HDAC2: variants seen among roughly 807,000 people sequenced by gnomAD.
HDAC2 encodes the protein YY1-associated factor 1.
Under a neutral mutation model 68.5 loss-of-function variants are expected in HDAC2, and 5 were observed. The observed-to-expected ratio is 0.07, with a 90% CI of 0.04 to 0.15. The LOEUF is 0.15. HDAC2 is among the 10% of genes least tolerant of loss of function. The pLI, the probability that HDAC2 is intolerant of heterozygous loss-of-function variation, is 1.00. For missense variants in HDAC2, 291 were observed against 600.8 expected (o/e 0.48, Z 5.39); for synonymous variants, 182 against 191.3 (o/e 0.95, Z 0.40).
intron 2 of HDAC2, 37 bp from the exon 3 acceptor site, chr6:113,958,803 C>A: frequency 8.6e-7 from 1 of 1,168,620 alleles, no homozygotes; most frequent in Non-Finnish European, 1.3e-6. Context: ...TGTGGAATTA[C>A]AACCGGTTAT....
intron 1 of HDAC2, chr6:113,970,169 G>C (rs532472610): frequency 6.6e-6 from 1 of 152,458 alleles, no homozygotes; most frequent in African/African-American, 2.4e-5. Flanking sequence ...ACAAAGGAGA[G>C]GGTTGGAGCC....
At position 113,940,942 on chromosome 6, in the gene HDAC2, A is replaced by T; in HGVS notation, c.*116T>A. The T allele has an allele frequency of 2.9e-6, 2 of 691,378 alleles. No homozygotes were observed. Among genetic ancestry groups the T allele is most frequent in the Non-Finnish European group, 4.7e-6 (2 of 429,538 alleles). 42.8% of individuals were successfully genotyped at this position (691,378 alleles called of 1,614,324 possible). On this transcript the variant is annotated 3_prime_UTR_variant, in exon 14 of 14. Transcript: ENST00000519065. ...AAAAACGAAAAAGCCATTTGAAAAT[A>T]AATACAGTCCATGCCAAAGTAGTAT...
chr6:113,954,510 C>CA (rs1190725523), intron 5 of HDAC2, among the ~76,000 whole-genome samples: 6 of 152,014 alleles, frequency 3.9e-5, no homozygotes, highest in Non-Finnish European at 8.8e-5. Flanking sequence ...TTACACCACC[C>CA]AAAAAAATGT....
intron 6 of HDAC2, among the ~76,000 whole-genome samples, chr6:113,951,537 G>A (rs34789089): frequency 0.22 from 33,122 of 148,482 alleles, 3,890 homozygotes; most frequent in Middle Eastern, 0.3. Context: ...GAGCGATCTC[G>A]GCTCACAGCA....
At chr6:113,949,747 G>C (rs758085454) in intron 6 of HDAC2, among the ~76,000 whole-genome samples, 1 of 151,778 alleles carries the variant, frequency 6.6e-6, no homozygotes, top group African/African-American at 2.4e-5. Context: ...ACACTTTCTC[G>C]AAGATTTAAC....
chr6:113,938,807 CTAAG>C lies in HDAC2; in HGVS notation c.*2247_*2250del, dbSNP rs545213994. The C allele has an allele frequency of 4.9e-4, 74 of 152,262 alleles. No homozygotes were observed. Among genetic ancestry groups the C allele is most frequent in the African/African-American group, 1.7e-3 (71 of 41,544 alleles). The allele number at this position is 152,262 out of a possible 1,614,324, so 9.4% of individuals were successfully genotyped here. ...TTTGTTCTTCCAACAGACTTGGTCA[CTAAG>C]TGTTACTGATTTCTGTTTATTAATG... is the stretch of plus-strand genomic sequence containing the variant. On this transcript the variant is annotated 3_prime_UTR_variant, in exon 14 of 14. Transcript: ENST00000519065.
Position 113,934,726 on chromosome 6 carries a change from T to C in HDAC2, c.*6332A>G, listed in dbSNP as rs974676812. 12 of 152,188 alleles carry C rather than the reference T, an allele frequency of 7.9e-5. No homozygotes were observed. The highest frequency in any genetic ancestry group is 1.2e-4 in the African/African-American group (5 of 41,438). 9.4% of individuals were successfully genotyped at this position (152,188 alleles called of 1,614,324 possible). A position where few individuals can be genotyped will look rare whatever the true frequency, so the allele number is the denominator to read the frequency against. On this transcript the variant is annotated 3_prime_UTR_variant, in exon 14 of 14. Coordinates refer to ENST00000519065, the MANE Select transcript of HDAC2 (RefSeq NM_001527.4). The stretch of plus-strand genomic sequence containing the variant: ...CCATTTACTTTAAGACATATAAATT[T>C]GGATTTCAAACAAAACAGCTTACAA...
At chr6:113,966,423 G>A (rs907252304) in intron 1 of HDAC2, among the ~76,000 whole-genome samples, 1 of 151,900 alleles carries the variant, frequency 6.6e-6, no homozygotes, top group African/African-American at 2.4e-5. Flanking sequence ...GTGGTGGCAC[G>A]TGCCTGTAAT....
rs1367054462 is a variant in HDAC2 at position 113,941,752 on chromosome 6, T to C, written c.1392A>G (p.Glu464=). 3.5e-6 allele frequency: 5 copies of C among 1,416,410 alleles called. No homozygotes were observed. Among genetic ancestry groups the C allele is most frequent in the Non-Finnish European group, 4.8e-6 (5 of 1,032,592 alleles). 87.7% of individuals were successfully genotyped at this position (1,416,410 alleles called of 1,614,324 possible). The change falls in exon 13 of 14, where the codon GAA becomes GAG. Residue 464 remains glutamate (E), a synonymous_variant. Transcript: ENST00000519065. ...CACCACTGTTGTCCTTGGATTTATC[T>C]TCTTCCTTAACGTCTAAAAATAAAG... ...TEDKKTDVKE[E]DKSKDNSGEK... is the part of the protein sequence containing the mutation.
intron 9 of HDAC2, among the ~76,000 whole-genome samples, chr6:113,945,759 G>A (rs974862820): frequency 2.0e-5 from 3 of 152,016 alleles, no homozygotes; most frequent in Non-Finnish European, 4.4e-5. Context: ...AATATTCAAC[G>A]TTTTATTTTT....
At chr6:113,944,480 T>A in intron 10 of HDAC2, 70 bp from the exon 11 acceptor site, 4 of 1,366,218 alleles carry the variant, frequency 2.9e-6, no homozygotes, top group African/African-American at 1.4e-5. Context: ...CAAGAGAAAA[T>A]ATTTAGCAAA....
At chr6:113,965,031 T>C (rs1357643698) in intron 1 of HDAC2, among the ~76,000 whole-genome samples, 1 of 152,258 alleles carries the variant, frequency 6.6e-6, no homozygotes, top group Non-Finnish European at 1.5e-5. Context: ...ATGTGTTCAA[T>C]TCTTGCTTCC....
intron 5 of HDAC2, among the ~76,000 whole-genome samples, chr6:113,955,392 T>G (rs1776529069): frequency 6.6e-6 from 1 of 152,010 alleles, no homozygotes; most frequent in Admixed American, 6.5e-5. Flanking sequence ...TTTTCTATTT[T>G]TAGTAGGATG....
At chr6:113,953,486 T>A in intron 5 of HDAC2, 68 bp from the exon 6 acceptor site, 1 of 876,278 alleles carries the variant, frequency 1.1e-6, no homozygotes, top group South Asian at 1.8e-5. Flanking sequence ...GCACCACAAA[T>A]TCAGGAAACC....
At position 113,939,775 on chromosome 6, in the gene HDAC2, A is replaced by T. The variant is rs767287056; in HGVS notation, c.*1283T>A. 3 of 152,234 alleles carry T rather than the reference A, an allele frequency of 2.0e-5. No individual in the cohort carries two copies. Among genetic ancestry groups the T allele is most frequent in the African/African-American group, 4.8e-5 (2 of 41,456 alleles). 9.4% of individuals were successfully genotyped at this position (152,234 alleles called of 1,614,324 possible). A position where few individuals can be genotyped will look rare whatever the true frequency, so the allele number is the denominator to read the frequency against. On this transcript the variant is annotated 3_prime_UTR_variant, in exon 14 of 14. Transcript: ENST00000519065. Reference sequence around the variant, plus strand: ...AAAAAAACACCGAAGCAAATATAGCAAAAGTAAAATATTTGTTAAGTCGGG... The same window carrying T: ...AAAAAAACACCGAAGCAAATATAGCTAAAGTAAAATATTTGTTAAGTCGGG...
Position 113,936,123 on chromosome 6 carries a change from T to C in HDAC2, c.*4935A>G, listed in dbSNP as rs1775992374. ...TAAAACTTAGAAATTAGTGTTATAA[T>C]TCTTATAGGAAAACCTAAATCAGTA... On this transcript the variant is annotated 3_prime_UTR_variant, in exon 14 of 14. Coordinates refer to ENST00000519065, the MANE Select transcript of HDAC2 (RefSeq NM_001527.4). 6.6e-6 allele frequency: 1 copy of C among 152,230 alleles called. No homozygotes were observed. Among genetic ancestry groups the C allele is most frequent in the Admixed American group, 6.5e-5 (1 of 15,288 alleles). The allele number at this position is 152,230 out of a possible 1,614,324, so 9.4% of individuals were successfully genotyped here.
intron 1 of HDAC2, 46 bp downstream of exon 1, chr6:113,970,811 G>A (rs769196923): frequency 1.1e-4 from 164 of 1,492,860 alleles, no homozygotes; most frequent in Middle Eastern, 2.0e-4. Context: ...GCGGAACCCA[G>A]CGCCCGGCCC....
intron 1 of HDAC2, chr6:113,970,342 C>T (rs1014178432): frequency 8.5e-5 from 42 of 493,716 alleles, no homozygotes; most frequent in South Asian, 1.7e-4. Flanking sequence ...GGCGAGCAGG[C>T]GAGGAGGAGG....
At position 113,938,421 on chromosome 6, in the gene HDAC2, A is replaced by G. The variant is rs927763299; in HGVS notation, c.*2637T>C. On this transcript the variant is annotated 3_prime_UTR_variant, in exon 14 of 14. Transcript: ENST00000519065. ...TAAGTTTTTGTTGGTCCACTGAACT[A>G]ATTTTTTTTTTGTTATCAAATATAT... 6 of 151,928 alleles carry G rather than the reference A, an allele frequency of 3.9e-5. No individual in the cohort carries two copies. Among genetic ancestry groups the G allele is most frequent in the African/African-American group, 4.8e-5 (2 of 41,370 alleles). The allele number at this position is 151,928 out of a possible 1,614,324, so 9.4% of individuals were successfully genotyped here.
Sources: allele counts gnomAD v4.1 joint callset (sites outside exome capture counted in the v4.1 genomes callset), GRCh38; gene constraint gnomAD v4.1.1; transcripts MANE v1.5; gene names NCBI Gene and HGNC (gene_info 2026-07-23, HGNC 2026-07-21).